The following TNFSF13B variants were observed in gnomAD, a reference collection of about 807,000 sequenced individuals.
The protein encoded by TNFSF13B is tumor necrosis factor ligand superfamily member 13B.
A neutral mutation model predicts 29.1 loss-of-function variants in TNFSF13B; 8 were observed. The ratio of observed to expected loss-of-function variants is 0.27; its 90% confidence interval spans 0.16 to 0.50. TNFSF13B has a LOEUF of 0.50. Among genes scored for constraint, TNFSF13B ranks in the 20% least tolerant of loss-of-function variants. The probability of loss-of-function intolerance (pLI) is 0.98; values close to 1 mark genes in which losing one functional copy is unlikely to be tolerated. For synonymous variants in TNFSF13B, 125 were observed against 130.8 expected (o/e 0.96, Z 0.30); for missense variants, 248 against 334.9 (o/e 0.74, Z 2.03).
In TNFSF13B at chr13:108,306,985, C is replaced by G. The variant is rs764456783; in HGVS notation, c.*47C>G. 13 of 604,052 alleles carry G rather than the reference C, an allele frequency of 2.2e-5. No homozygotes were observed. In the South Asian group the frequency reaches 2.6e-4, roughly 12 times the overall value. 37.4% of individuals were successfully genotyped at this position (604,052 alleles called of 1,614,324 possible). On this transcript the variant is annotated 3_prime_UTR_variant, in exon 6 of 6. Transcript: ENST00000375887. ...GCTATTTTCCTCCCTTTCTCTGTACCTCTAAGAAGAAAGAATCTAACTGAA... is the reference window on the plus strand; with the variant it reads ...GCTATTTTCCTCCCTTTCTCTGTACGTCTAAGAAGAAAGAATCTAACTGAA...
chr13:108,272,333 G>A (rs534495121), intron 2 of TNFSF13B, among the ~76,000 whole-genome samples: 1 of 151,988 alleles, frequency 6.6e-6, no homozygotes, highest in South Asian at 2.1e-4. Context: ...TAACAGTTTT[G>A]CTTCTTTTTT....
intron 2 of TNFSF13B, among the ~76,000 whole-genome samples, chr13:108,283,182 T>C (rs556353880): frequency 3.5e-4 from 54 of 152,350 alleles, no homozygotes; most frequent in African/African-American, 1.3e-3. Context: ...AGGAGATAAG[T>C]TGAAATAGCT....
At chr13:108,280,621 A>G (rs529865003) in intron 2 of TNFSF13B, among the ~76,000 whole-genome samples, 2 of 152,314 alleles carry the variant, frequency 1.3e-5, no homozygotes, top group South Asian at 4.1e-4. Flanking sequence ...GAAGTCATGG[A>G]GAAACACAGA....
chr13:108,302,599 T>G (rs536778664), intron 3 of TNFSF13B, among the ~76,000 whole-genome samples: 1 of 152,298 alleles, frequency 6.6e-6, no homozygotes, highest in East Asian at 1.9e-4. Flanking sequence ...ATCTCACCCT[T>G]GAGCACAGTG....
intron 2 of TNFSF13B, among the ~76,000 whole-genome samples, chr13:108,278,305 C>T (rs1170257683): frequency 1.3e-5 from 2 of 151,750 alleles, no homozygotes; most frequent in South Asian, 2.1e-4. Context: ...TCACAGACTG[C>T]GAGATTATCT....
chr13:108,283,331 G>A (rs1428571852), intron 2 of TNFSF13B, among the ~76,000 whole-genome samples: 2 of 152,230 alleles, frequency 1.3e-5, no homozygotes, highest in Admixed American at 1.3e-4. Flanking sequence ...AAACATCAGA[G>A]CATACTTACA....
intron 2 of TNFSF13B, among the ~76,000 whole-genome samples, chr13:108,273,692 A>G (rs947262077): frequency 6.6e-6 from 1 of 152,224 alleles, no homozygotes; most frequent in Non-Finnish European, 1.5e-5. Context: ...TGGATATTGC[A>G]GTAAAAATGA....
intron 3 of TNFSF13B, among the ~76,000 whole-genome samples, chr13:108,291,586 A>C (rs2139059426): frequency 6.6e-6 from 1 of 152,064 alleles, no homozygotes; most frequent in East Asian, 1.9e-4. Flanking sequence ...TTTCAATATT[A>C]AAGTTGAAAT....
intron 2 of TNFSF13B, among the ~76,000 whole-genome samples, chr13:108,274,588 T>C (rs1880715013): frequency 1.3e-5 from 2 of 151,952 alleles, no homozygotes; most frequent in East Asian, 1.9e-4. Context: ...GGAGGGAAAG[T>C]TTATTTTATT....
rs1357496379 is a variant in TNFSF13B at position 108,278,691 on chromosome 13, CCTCTTCCTCCTCCTCCCCTT to C, written c.425-8095_425-8076del. ...TCTCCTCCTCTCCTCCTTTCCTCCT[CCTCTTCCTCCTCCTCCCCTT>C]CTCTTCCTCCTCCTCCTCCTTCTGA... On this transcript the variant is annotated intron_variant, in intron 2 of 5. Coordinates refer to ENST00000375887, the MANE Select transcript of TNFSF13B (RefSeq NM_006573.5). 3.6e-5 allele frequency among the ~76,000 whole-genome samples: 5 copies of C among 140,746 alleles called. No individual in the cohort carries two copies. The South Asian group carries it at 9.6e-4, about 27-fold the overall frequency. 92.3% of individuals were successfully genotyped at this position (140,746 alleles called of 152,430 possible).
At chr13:108,305,473 G>A (rs1364373827) in intron 5 of TNFSF13B, among the ~76,000 whole-genome samples, 1 of 152,102 alleles carries the variant, frequency 6.6e-6, no homozygotes, top group Non-Finnish European at 1.5e-5. Flanking sequence ...CTCTATAGTT[G>A]TTCACACCCA....
In TNFSF13B at chr13:108,284,328, C is replaced by CA. The variant is rs1255656787; in HGVS notation, c.425-2469dup. ...TGGGCGACAGAGCGAGACTCCGTCT[C>CA]AAAAAATAAATAAATAAATAAATAA... On this transcript the variant is annotated intron_variant, in intron 2 of 5. Coordinates refer to ENST00000375887, the MANE Select transcript of TNFSF13B (RefSeq NM_006573.5). Among the ~76,000 whole-genome samples the CA allele has an allele frequency of 6.9e-5, 10 of 144,754 alleles. No individual in the cohort carries two copies. In the South Asian group the frequency reaches 2.0e-3, roughly 29 times the overall value. 95.0% of individuals were successfully genotyped at this position (144,754 alleles called of 152,430 possible).
intron 2 of TNFSF13B, among the ~76,000 whole-genome samples, chr13:108,278,442 T>C (rs1157486449): frequency 1.3e-5 from 2 of 151,952 alleles, no homozygotes; most frequent in Non-Finnish European, 2.9e-5. Flanking sequence ...AAAGGCCTTG[T>C]TTTAGTAGGC....
chr13:108,303,024 CT>C, intron 3 of TNFSF13B: 1 of 509,242 alleles, frequency 2.0e-6, no homozygotes, highest in East Asian at 3.8e-5. Context: ...AGGGTTAGCT[CT>C]CAGGTTCTTG....
intron 2 of TNFSF13B, among the ~76,000 whole-genome samples, chr13:108,278,591 C>G (rs200395364): frequency 5.0e-3 from 1 of 200 alleles, no homozygotes; most frequent in Non-Finnish European, 9.4e-3. Flanking sequence ...CTCCTCCTCC[C>G]CTTCTCTTCC....
At chr13:108,289,625 G>T (rs1881248568) in intron 3 of TNFSF13B, among the ~76,000 whole-genome samples, 1 of 145,952 alleles carries the variant, frequency 6.9e-6, no homozygotes, top group African/African-American at 2.5e-5. Flanking sequence ...TATCTTCTGG[G>T]GAAAGAATTT....
intron 2 of TNFSF13B, among the ~76,000 whole-genome samples, chr13:108,282,887 T>G (rs1205440013): frequency 6.6e-6 from 1 of 152,178 alleles, no homozygotes; most frequent in Non-Finnish European, 1.5e-5. Flanking sequence ...CTTAACCTCT[T>G]GTGTAATTCC....
rs943229172 is a variant in TNFSF13B at position 108,288,242 on chromosome 13, T to A, written c.481+1383T>A. On this transcript the variant is annotated intron_variant, in intron 3 of 5. Transcript: ENST00000375887. ...AACCATTCGTTCACTCACACATTCA[T>A]TGATTCATTTAGTTTACATTTATTA... 2.0e-5 allele frequency among the ~76,000 whole-genome samples: 3 copies of A among 152,306 alleles called. No individual in the cohort carries two copies. In the South Asian group the frequency reaches 6.2e-4, roughly 32 times the overall value.
intron 2 of TNFSF13B, among the ~76,000 whole-genome samples, chr13:108,280,854 C>A (rs1006058455): frequency 1.3e-5 from 2 of 152,052 alleles, no homozygotes; most frequent in Non-Finnish European, 2.9e-5. Flanking sequence ...GCTTAAGATT[C>A]TGTCTATACA....
Sources: allele counts gnomAD v4.1 joint callset (sites outside exome capture counted in the v4.1 genomes callset), GRCh38; gene constraint gnomAD v4.1.1; transcripts MANE v1.5; gene names NCBI Gene and HGNC (gene_info 2026-07-23, HGNC 2026-07-21).